Variants in HHATL observed in about 807,000 individuals in gnomAD.
The protein encoded by HHATL is protein-cysteine N-palmitoyltransferase HHAT-like protein.
In HHATL, 49 loss-of-function variants were observed where a neutral mutation model predicts 59.7. The observed-to-expected ratio is 0.82, with a 90% CI of 0.65 to 1.04. HHATL has a LOEUF of 1.04. HHATL is among the 50% of genes least tolerant of loss of function. The probability of loss-of-function intolerance (pLI) is 0.00; values close to 1 mark genes in which losing one functional copy is unlikely to be tolerated. For missense variants in HHATL, 605 were observed against 650.8 expected (o/e 0.93, Z 0.77); for synonymous variants, 238 against 257.3 (o/e 0.93, Z 0.72).
rs531306550 is a variant in HHATL at position 42,696,891 on chromosome 3, G to A, written c.1011-14C>T. On this transcript the variant is annotated splice_polypyrimidine_tract_variant and intron_variant, in intron 8 of 11. Coordinates refer to ENST00000441594, the MANE Select transcript of HHATL (RefSeq NM_020707.4). ...CGGTCAAAGTGCCTGTAAGAGGAAA[G>A]CAGATGGGCATGTTGCCATCAGGCG... 121 of 1,614,184 alleles carry A rather than the reference G, an allele frequency of 7.5e-5. 2 individuals are homozygous for A. In the South Asian group the frequency reaches 1.3e-3, roughly 17 times the overall value.
In HHATL at chr3:42,698,975, C is replaced by A. The variant is rs1697794224; in HGVS notation, c.288+57G>T. On this transcript the variant is annotated intron_variant, in intron 4 of 11. Transcript: ENST00000441594. ...GACCCCAGGAGGGGGTTCCCACAACCCTTGTGGTGAAAGAGGAGCTGGCAG... is the reference window on the plus strand; with the variant it reads ...GACCCCAGGAGGGGGTTCCCACAACACTTGTGGTGAAAGAGGAGCTGGCAG... 3.7e-6 allele frequency: 6 copies of A among 1,611,106 alleles called. No individual in the cohort carries two copies. In the South Asian group the frequency reaches 4.4e-5, roughly 12 times the overall value.
chr3:42,700,281 T>A, intron 2 of HHATL, among the ~76,000 whole-genome samples: 1 of 149,478 alleles, frequency 6.7e-6, no homozygotes, highest in South Asian at 2.1e-4. Context: ...CAGGTCTCTG[T>A]GTGTGTATGT....
intron 6 of HHATL, 74 bp from the exon 7 acceptor site, chr3:42,697,753 A>G: frequency 6.8e-7 from 1 of 1,472,972 alleles, no homozygotes; most frequent in Non-Finnish European, 9.3e-7. Flanking sequence ...GGGCTCACCA[A>G]CTACTTGGGG....
intron 9 of HHATL, among the ~76,000 whole-genome samples, chr3:42,696,636 C>A (rs544524481): frequency 6.6e-6 from 1 of 152,328 alleles, no homozygotes; most frequent in East Asian, 1.9e-4. Context: ...TGACCCTCCT[C>A]CCACCACCTC....
chr3:42,693,450 G>T, intron 10 of HHATL, 167 bp downstream of exon 10: 1 of 758,218 alleles, frequency 1.3e-6, no homozygotes, highest in Non-Finnish European at 2.1e-6. Flanking sequence ...ATAGAAGGGA[G>T]GGAGGGGCAG....
At position 42,700,618 on chromosome 3, in the gene HHATL, C is replaced by T. The variant is rs986491394; in HGVS notation, c.106+103G>A. On this transcript the variant is annotated intron_variant, in intron 2 of 11. Coordinates refer to ENST00000441594, the MANE Select transcript of HHATL (RefSeq NM_020707.4). ...ATCCAGCCGTGTTCTAGAAGGAGTA[C>T]CCTAGGTCTGGAGCCTGTAACTTTC... 26 of 692,898 alleles carry T rather than the reference C, an allele frequency of 3.8e-5. No homozygotes were observed. The East Asian group carries it at 6.8e-4, about 18-fold the overall frequency. The allele number at this position is 692,898 out of a possible 1,614,324, so 42.9% of individuals were successfully genotyped here.
In HHATL at chr3:42,697,608, C is replaced by G. The variant is rs1182858037; in HGVS notation, c.765G>C (p.Val255=). ...AGATGTCGACGGCCATGATGGCCAC[C>G]ACGCTTAGGCCTGCCTGGGCTCGGA... The part of the protein sequence containing the change: ...WHIRAQAGLS[V]VAIMAVDIFF... The change falls in exon 7 of 12, where the codon GTG becomes GTC. Residue 255 remains valine, a synonymous_variant. Coordinates refer to ENST00000441594, the MANE Select transcript of HHATL (RefSeq NM_020707.4). 2 of 1,614,148 alleles carry G rather than the reference C, an allele frequency of 1.2e-6. No individual in the cohort carries two copies. Among genetic ancestry groups the G allele is most frequent in the Admixed American group, 3.3e-5 (2 of 60,020 alleles).
At chr3:42,697,764 C>A in intron 6 of HHATL, 85 bp from the exon 7 acceptor site, 1 of 1,382,280 alleles carries the variant, frequency 7.2e-7, no homozygotes, top group Non-Finnish European at 9.9e-7. Context: ...CTACTTGGGG[C>A]AGGAGGAGCC....
chr3:42,697,500 G>A lies in HHATL; in HGVS notation c.865+8C>T. ...AGCCCTGCCCCCATTTCTCTTCTGT[G>A]GACCCACCGAGGGCACTGTCTGGGA... On this transcript the variant is annotated splice_region_variant and intron_variant, in intron 7 of 11. Coordinates refer to ENST00000441594, the MANE Select transcript of HHATL (RefSeq NM_020707.4). 6.2e-7 allele frequency: 1 copy of A among 1,612,526 alleles called. No homozygotes were observed. Among genetic ancestry groups the A allele is most frequent in the East Asian group, 2.2e-5 (1 of 44,860 alleles).
chr3:42,699,115 A>G lies in HHATL; in HGVS notation c.205T>C (p.Phe69Leu), dbSNP rs369602561. ...ATGATGACGTTGCGAAAGGAGGTGA[A>G]CCACATCACCCACTCGAAGTCAGCC... ...DVADFEWVMW[F>L]TSFRNVIIFA... Residue 69 changes from phenylalanine (F) to leucine (L), a missense_variant, in exon 4 of 12, where the codon TTC becomes CTC. By Grantham distance (22) the Phe-to-Leu change is conservative. Transcript: ENST00000441594. The G allele has an allele frequency of 8.1e-6, 13 of 1,613,862 alleles. No homozygotes were observed. The highest frequency in any genetic ancestry group is 1.0e-5 in the Non-Finnish European group (12 of 1,179,944).
chr3:42,693,317 G>A (rs563642995), intron 10 of HHATL, 99 bp from the exon 11 acceptor site: 1 of 1,476,118 alleles, frequency 6.8e-7, no homozygotes, highest in East Asian at 2.3e-5. Flanking sequence ...TCAGGTCTTG[G>A]GGCTATGTCT....
chr3:42,698,247 G>C lies in HHATL; in HGVS notation c.588C>G (p.Ala196=). The change falls in exon 6 of 12, where the codon GCC becomes GCG. Residue 196 remains alanine (A), a synonymous_variant. Coordinates refer to ENST00000441594, the MANE Select transcript of HHATL (RefSeq NM_020707.4). ...CTAAGGAGTAGTGGCGGTCAGGGTGGGCACAGCTCTCCAGTGCAAAGCTGG... is the reference window on the plus strand; with the variant it reads ...CTAAGGAGTAGTGGCGGTCAGGGTGCGCACAGCTCTCCAGTGCAAAGCTGG... ...RCTSFALESC[A]HPDRHYSLAD... 6.2e-7 allele frequency: 1 copy of C among 1,614,144 alleles called. No individual in the cohort carries two copies. The highest frequency in any genetic ancestry group is 8.5e-7 in the Non-Finnish European group (1 of 1,179,996).
intron 10 of HHATL, 169 bp downstream of exon 10, chr3:42,693,444 AAGGG>A: frequency 1.3e-6 from 1 of 755,746 alleles, no homozygotes; most frequent in Non-Finnish European, 2.1e-6. Context: ...TTCCTCATAG[AAGGG>A]AGGGAGGGGC....
chr3:42,696,713 C>T, intron 9 of HHATL, 129 bp downstream of exon 9: 1 of 971,438 alleles, frequency 1.0e-6, no homozygotes, highest in South Asian at 1.5e-5. Context: ...TCTGCCAATA[C>T]CTCCTCACTG....
chr3:42,702,291 T>C (rs1232957421), intron 1 of HHATL, among the ~76,000 whole-genome samples: 1 of 152,218 alleles, frequency 6.6e-6, no homozygotes, highest in Non-Finnish European at 1.5e-5. Context: ...CTTTGTCAGC[T>C]GCCTCCCACT....
rs1697398222 is a variant in HHATL, at chr3:42,692,681, T to C, written c.*70A>G. ...GCCAAGCTGTTGTAGAAAAGTCTTT[T>C]ATTCTATCGGTCAGGCCCCATCTGG... On this transcript the variant is annotated 3_prime_UTR_variant, in exon 12 of 12. Transcript: ENST00000441594. 6.2e-7 allele frequency: 1 copy of C among 1,607,796 alleles called. No individual in the cohort carries two copies. The highest frequency in any genetic ancestry group is 8.5e-7 in the Non-Finnish European group (1 of 1,176,458).
intron 9 of HHATL, among the ~76,000 whole-genome samples, chr3:42,695,654 G>A (rs750597610): frequency 2.0e-5 from 3 of 152,148 alleles, no homozygotes; most frequent in Non-Finnish European, 2.9e-5. Context: ...CTCTCTCCAC[G>A]TCCCTGTCCT....
At chr3:42,694,041 A>T (rs564647456) in intron 9 of HHATL, 1 of 577,630 alleles carries the variant, frequency 1.7e-6, no homozygotes, top group East Asian at 2.9e-5. Flanking sequence ...TTCCCAAATG[A>T]TCTCATCCAG....
intron 9 of HHATL, chr3:42,694,099 T>C: frequency 2.1e-6 from 1 of 475,528 alleles, no homozygotes; most frequent in Middle Eastern, 5.9e-4. Context: ...CCTAAATCTG[T>C]GTCTTTAGCC....
Sources: gnomAD v4.1 joint callset for allele counts (sites outside exome capture counted in the v4.1 genomes callset) on GRCh38, gnomAD v4.1.1 for gene constraint, MANE v1.5 for transcripts, NCBI Gene and HGNC (gene_info 2026-07-23, HGNC 2026-07-21) for gene names.